Variants in SGCZ observed in about 807,000 individuals in gnomAD.
The protein encoded by SGCZ is sarcoglycan zeta, also known as zeta-sarcoglycan.
A neutral mutation model predicts 41.3 loss-of-function variants in SGCZ; 40 were observed. The observed-to-expected ratio is 0.97, with a 90% CI of 0.75 to 1.26. The LOEUF (loss-of-function observed/expected upper bound fraction) is 1.26, where lower values mean the gene tolerates loss of function less well. SGCZ is among the 50% of genes most tolerant of loss of function. The probability of loss-of-function intolerance (pLI) is 0.00; values close to 1 mark genes in which losing one functional copy is unlikely to be tolerated. For missense variants in SGCZ, 552 were observed against 369.8 expected, an observed-to-expected ratio of 1.49 and a Z score of -4.04; for synonymous variants, 206 against 137.5, an observed-to-expected ratio of 1.50 and a Z score of -3.49.
chr8:14,199,456 C>T (rs1347853168), intron 4 of SGCZ, among the ~76,000 whole-genome samples: 1 of 152,136 alleles, frequency 6.6e-6, no homozygotes, highest in African/African-American at 2.4e-5. Flanking sequence ...CCTGTGATCT[C>T]GCCCTGCCTC....
intron 1 of SGCZ, among the ~76,000 whole-genome samples, chr8:14,783,242 T>C (rs1354699356): frequency 6.6e-6 from 1 of 152,140 alleles, no homozygotes; most frequent in Admixed American, 6.5e-5. Context: ...AAGACAAGCC[T>C]GGTCAACATG....
At chr8:15,111,624 G>A (rs906926092) in intron 1 of SGCZ, among the ~76,000 whole-genome samples, 3 of 152,166 alleles carry the variant, frequency 2.0e-5, no homozygotes, top group Non-Finnish European at 2.9e-5. Context: ...CATTTCGGCC[G>A]GGTGTGGTGG....
At chr8:15,193,724 G>A (rs560737731) in intron 1 of SGCZ, among the ~76,000 whole-genome samples, 1 of 151,358 alleles carries the variant, frequency 6.6e-6, no homozygotes, top group African/African-American at 2.5e-5. Flanking sequence ...AGCTACTGTT[G>A]AGTTGTAACA....
chr8:14,153,878 G>C (rs985124997), intron 5 of SGCZ, among the ~76,000 whole-genome samples: 2 of 151,678 alleles, frequency 1.3e-5, no homozygotes, highest in Admixed American at 6.6e-5. Flanking sequence ...GAGAAGAAGA[G>C]ACACCAGGTC....
chr8:14,569,584 C>A (rs928630796), intron 1 of SGCZ, among the ~76,000 whole-genome samples: 4 of 152,170 alleles, frequency 2.6e-5, no homozygotes, highest in African/African-American at 9.7e-5. Flanking sequence ...TCCCTGTCAT[C>A]ATGGGGTCTA....
intron 1 of SGCZ, among the ~76,000 whole-genome samples, chr8:14,568,412 G>C (rs1804446396): frequency 9.7e-6 from 1 of 103,266 alleles, no homozygotes; most frequent in Non-Finnish European, 1.9e-5. Flanking sequence ...AGAAAGAATT[G>C]ATCGTTTTGA....
Position 15,069,351 on chromosome 8 carries a change from A to C in SGCZ, c.39+168234T>G, listed in dbSNP as rs193102319. Among the ~76,000 whole-genome samples, 16 of 152,250 alleles carry C rather than the reference A, an allele frequency of 1.1e-4. No individual in the cohort carries two copies. In the East Asian group the frequency reaches 3.1e-3, roughly 29 times the overall value. On this transcript the variant is annotated intron_variant, in intron 1 of 7. Transcript: ENST00000382080. ...GCCTACCCACAATGCAAAGTTTTGA[A>C]AGTGTATTGGTCAAAGTCTAGAATT... is the stretch of plus-strand genomic sequence containing the variant.
chr8:14,935,867 T>C (rs1800065481), intron 1 of SGCZ, among the ~76,000 whole-genome samples: 1 of 151,586 alleles, frequency 6.6e-6, no homozygotes. Flanking sequence ...ACTCAAAGTA[T>C]GGAAGAAAAA....
chr8:14,585,365 T>C lies in SGCZ; in HGVS notation c.40-30439A>G, dbSNP rs558075584. Reference sequence around the variant, plus strand: ...TTTGGATGAAGAAAATTTCATACTGTATTTATTTTACCTTTGTAGTTCTGA... The same window carrying C: ...TTTGGATGAAGAAAATTTCATACTGCATTTATTTTACCTTTGTAGTTCTGA... On this transcript the variant is annotated intron_variant, in intron 1 of 7. Transcript: ENST00000382080. Among the ~76,000 whole-genome samples, 147 of 152,284 alleles carry C rather than the reference T, an allele frequency of 9.7e-4. No individual in the cohort carries two copies. In the South Asian group the frequency reaches 0.011, roughly 11 times the overall value.
chr8:14,831,630 A>ATGTGTGTGTG (rs375068979), intron 1 of SGCZ, among the ~76,000 whole-genome samples: 1 of 135,074 alleles, frequency 7.4e-6, no homozygotes, highest in Non-Finnish European at 1.5e-5. Flanking sequence ...ACATAGACAC[A>ATGTGTGTGTG]TATGTGTGTG....
chr8:14,117,837 T>C (rs1361933105), intron 5 of SGCZ, among the ~76,000 whole-genome samples: 1 of 150,800 alleles, frequency 6.6e-6, no homozygotes, highest in African/African-American at 2.4e-5. Context: ...ATGCAGTTTT[T>C]GATTTTCTCT....
chr8:14,234,619 A>G (rs1281796793), intron 4 of SGCZ, among the ~76,000 whole-genome samples: 2 of 152,052 alleles, frequency 1.3e-5, no homozygotes, highest in African/African-American at 2.4e-5. Flanking sequence ...TAATATTGCA[A>G]AAATAGTATC....
chr8:15,188,921 T>TA (rs1174663092), intron 1 of SGCZ, among the ~76,000 whole-genome samples: 2 of 151,996 alleles, frequency 1.3e-5, no homozygotes, highest in African/African-American at 4.8e-5. Context: ...AATAATATGA[T>TA]AAAATCTCCC....
At chr8:15,126,195 G>A (rs1807674525) in intron 1 of SGCZ, among the ~76,000 whole-genome samples, 1 of 152,112 alleles carries the variant, frequency 6.6e-6, no homozygotes, top group South Asian at 2.1e-4. Flanking sequence ...TGAAGTAGAT[G>A]AATTAAAATC....
intron 1 of SGCZ, among the ~76,000 whole-genome samples, chr8:14,768,786 A>G (rs773244052): frequency 2.0e-5 from 3 of 151,980 alleles, no homozygotes; most frequent in Non-Finnish European, 4.4e-5. Context: ...GAAAGCTGTC[A>G]TATGAAACGA....
intron 1 of SGCZ, among the ~76,000 whole-genome samples, chr8:15,089,103 T>C (rs1035766951): frequency 1.3e-5 from 2 of 152,168 alleles, no homozygotes; most frequent in Non-Finnish European, 2.9e-5. Context: ...AACGTTAAAA[T>C]GTTGGTTTAT....
intron 1 of SGCZ, among the ~76,000 whole-genome samples, chr8:14,601,949 T>A (rs1805602681): frequency 6.6e-6 from 1 of 151,844 alleles, no homozygotes; most frequent in South Asian, 2.1e-4. Context: ...TGAAACCCCG[T>A]CTCTACTGAA....
At chr8:14,424,849 C>A (rs1799733861) in intron 2 of SGCZ, among the ~76,000 whole-genome samples, 1 of 152,076 alleles carries the variant, frequency 6.6e-6, no homozygotes. Context: ...GGACTGATAT[C>A]CTGGCTGATT....
intron 2 of SGCZ, among the ~76,000 whole-genome samples, chr8:14,469,368 T>C (rs895223140): frequency 6.6e-6 from 1 of 151,242 alleles, no homozygotes; most frequent in Non-Finnish European, 1.5e-5. Flanking sequence ...CAGTCTGGTC[T>C]ACTTGTTGTC....
Sources: gnomAD v4.1 joint callset for allele counts (sites outside exome capture counted in the v4.1 genomes callset) on GRCh38, gnomAD v4.1.1 for gene constraint, MANE v1.5 for transcripts, NCBI Gene and HGNC (gene_info 2026-07-23, HGNC 2026-07-21) for gene names.